The following CYRIA variants were observed in gnomAD, a reference collection of about 807,000 sequenced individuals.
CYRIA encodes the protein CYFIP-related Rac1 interactor A.
CYRIA carries 15 observed loss-of-function variants against 43.9 expected under a neutral mutation model. The ratio of observed to expected loss-of-function variants is 0.34; its 90% CI spans 0.23 to 0.53. The LOEUF is 0.53. Among genes scored for constraint, CYRIA ranks in the 20% least tolerant of loss-of-function variants. The pLI is 0.94. For missense variants in CYRIA, 236 were observed against 394.2 expected, an observed-to-expected ratio of 0.60 and a Z score of 3.40; for synonymous variants, 117 against 136.0, an observed-to-expected ratio of 0.86 and a Z score of 0.97.
chr2:16,623,646 T>C lies in CYRIA; in HGVS notation c.-11+218A>G, dbSNP rs187840171. On this transcript the variant is annotated intron_variant, in intron 2 of 11. Transcript: ENST00000381323. ...AGCTCGACTCTGTTCTTCCCCTGCA[T>C]GTAATTCTCAGCTACCCTCTTTCAT... Among the ~76,000 whole-genome samples the C allele has an allele frequency of 1.4e-4, 22 of 152,326 alleles. No homozygotes were observed. In the East Asian group the frequency reaches 3.9e-3, roughly 27 times the overall value.
In CYRIA at chr2:16,571,317, T is replaced by C. The variant is rs558074612; in HGVS notation, c.71-5550A>G. Among the ~76,000 whole-genome samples the C allele has an allele frequency of 3.9e-5, 6 of 152,314 alleles. 1 individual carries two copies. The South Asian group carries it at 1.0e-3, about 26-fold the overall frequency. ...TGAGGCAGGGTGGAAGATTTCATTGTGGAGAAGAGTGATATTTATTTAAAC... is the reference window on the plus strand; with the variant it reads ...TGAGGCAGGGTGGAAGATTTCATTGCGGAGAAGAGTGATATTTATTTAAAC... On this transcript the variant is annotated intron_variant, in intron 3 of 11. Coordinates refer to ENST00000381323, the MANE Select transcript of CYRIA (RefSeq NM_030797.4).
intron 2 of CYRIA, among the ~76,000 whole-genome samples, chr2:16,623,662 C>G (rs1038263439): frequency 4.6e-5 from 7 of 152,138 alleles, no homozygotes; most frequent in Admixed American, 3.3e-4. Context: ...TCTCAGCTAC[C>G]CTCTTTCATT....
intron 5 of CYRIA, 98 bp downstream of exon 5, chr2:16,563,891 G>A: frequency 1.3e-6 from 1 of 761,506 alleles, no homozygotes; most frequent in Non-Finnish European, 2.1e-6. Context: ...GGATGGATGT[G>A]GGACATTTTC....
chr2:16,608,388 C>T (rs755592014), intron 2 of CYRIA, among the ~76,000 whole-genome samples: 12 of 152,194 alleles, frequency 7.9e-5, no homozygotes, highest in Non-Finnish European at 1.6e-4. Flanking sequence ...GACTGATACA[C>T]TTTCAGGAGG....
chr2:16,603,258 T>G (rs1668270875), intron 2 of CYRIA, among the ~76,000 whole-genome samples: 1 of 152,218 alleles, frequency 6.6e-6, no homozygotes, highest in African/African-American at 2.4e-5. Context: ...TGCTGCTCTG[T>G]CTGCTTAACA....
intron 2 of CYRIA, among the ~76,000 whole-genome samples, chr2:16,601,671 C>G (rs949185628): frequency 6.7e-6 from 1 of 149,032 alleles, no homozygotes; most frequent in Non-Finnish European, 1.5e-5. Context: ...AAAACCATGA[C>G]TCTCTTTAAG....
At chr2:16,564,809 G>A (rs1666870092) in intron 4 of CYRIA, among the ~76,000 whole-genome samples, 1 of 152,170 alleles carries the variant, frequency 6.6e-6, no homozygotes, top group African/African-American at 2.4e-5. Flanking sequence ...TCAAAGTGGT[G>A]ATTTTCTTTT....
intron 1 of CYRIA, among the ~76,000 whole-genome samples, chr2:16,633,490 T>A (rs1669391414): frequency 6.6e-6 from 1 of 150,868 alleles, no homozygotes; most frequent in Admixed American, 6.6e-5. Flanking sequence ...CTTGGCTCAC[T>A]GCAATGTCCA....
At chr2:16,600,368 A>G (rs978238882) in intron 2 of CYRIA, among the ~76,000 whole-genome samples, 2 of 152,196 alleles carry the variant, frequency 1.3e-5, no homozygotes, top group African/African-American at 2.4e-5. Flanking sequence ...AGGCAATCTG[A>G]TAACAGTTTG....
At chr2:16,560,617 GTC>G in intron 9 of CYRIA, 1 of 229,424 alleles carries the variant, frequency 4.4e-6, no homozygotes, top group Non-Finnish European at 8.7e-6. Flanking sequence ...TCTTGAAACA[GTC>G]TTATCATGTC....
At chr2:16,590,665 A>T (rs1667900365) in intron 2 of CYRIA, among the ~76,000 whole-genome samples, 1 of 152,104 alleles carries the variant, frequency 6.6e-6, no homozygotes, top group South Asian at 2.1e-4. Context: ...ATCTCAGTGG[A>T]TTGGCTGATA....
At chr2:16,632,558 C>T (rs1212575471) in intron 1 of CYRIA, among the ~76,000 whole-genome samples, 1 of 152,192 alleles carries the variant, frequency 6.6e-6, no homozygotes, top group Non-Finnish European at 1.5e-5. Context: ...ACAGAAAGTA[C>T]AGATCTCATT....
intron 1 of CYRIA, among the ~76,000 whole-genome samples, chr2:16,657,302 G>A (rs1464488856): frequency 6.6e-6 from 1 of 152,120 alleles, no homozygotes; most frequent in African/African-American, 2.4e-5. Context: ...TGGGCAAAAT[G>A]ATGAGTAAGA....
At position 16,568,235 on chromosome 2, in the gene CYRIA, A is replaced by AC. The variant is rs1291448022; in HGVS notation, c.71-2469_71-2468insG. Among the ~76,000 whole-genome samples the AC allele has an allele frequency of 3.3e-5, 5 of 151,482 alleles. No individual in the cohort carries two copies. The East Asian group carries it at 9.8e-4, about 30-fold the overall frequency. ...CAACTATTTCAAAATCAGAAAAAAA[A>AC]AAAAAAAAAAAAAACCCAAATCTGA... is the stretch of plus-strand genomic sequence containing the variant. On this transcript the variant is annotated intron_variant, in intron 3 of 11. Transcript: ENST00000381323.
chr2:16,568,968 A>C (rs1667039383), intron 3 of CYRIA, among the ~76,000 whole-genome samples: 1 of 152,208 alleles, frequency 6.6e-6, no homozygotes. Flanking sequence ...AAACAGAAAA[A>C]AAGAAAGATT....
intron 1 of CYRIA, among the ~76,000 whole-genome samples, chr2:16,643,246 G>T (rs1263817285): frequency 6.6e-6 from 1 of 152,184 alleles, no homozygotes. Flanking sequence ...ATACAGGAAT[G>T]AATCACTTTA....
chr2:16,660,233 T>C (rs1670212846), intron 1 of CYRIA, among the ~76,000 whole-genome samples: 1 of 152,150 alleles, frequency 6.6e-6, no homozygotes, highest in South Asian at 2.1e-4. Flanking sequence ...TCTTCCCATT[T>C]CACCAACAGT....
chr2:16,572,329 AAT>A (rs1491205733), intron 3 of CYRIA, among the ~76,000 whole-genome samples: 8 of 139,624 alleles, frequency 5.7e-5, no homozygotes, highest in African/African-American at 2.1e-4. Context: ...CCAAAAAATG[AAT>A]TTTTTTTTTT....
At chr2:16,646,839 C>T (rs1384225494) in intron 1 of CYRIA, among the ~76,000 whole-genome samples, 1 of 152,096 alleles carries the variant, frequency 6.6e-6, no homozygotes, top group Non-Finnish European at 1.5e-5. Flanking sequence ...GGGATTTTCT[C>T]TCTTTGCTTC....
Sources: gnomAD v4.1 joint callset for allele counts (sites outside exome capture counted in the v4.1 genomes callset) on GRCh38, gnomAD v4.1.1 for gene constraint, MANE v1.5 for transcripts, NCBI Gene and HGNC (gene_info 2026-07-23, HGNC 2026-07-21) for gene names.